NTF3: variants seen among roughly 807,000 people sequenced by gnomAD.
NTF3 encodes neurotrophin-3.
In NTF3, 8 loss-of-function variants were observed where a neutral mutation model predicts 26.3. That is an observed-to-expected ratio of 0.30 (90% confidence interval 0.18 to 0.55). The LOEUF (loss-of-function observed/expected upper bound fraction) is 0.55. Ranked by LOEUF, NTF3 falls within the 20% of genes least tolerant of loss-of-function variation. The pLI, the probability that NTF3 is intolerant of heterozygous loss-of-function variation, is 0.93. For missense variants in NTF3, 276 were observed against 352.9 expected, an observed-to-expected ratio of 0.78 and a Z score of 1.75; for synonymous variants, 154 against 145.5, an observed-to-expected ratio of 1.06 and a Z score of -0.42.
At chr12:5,492,789 G>A (rs764336751) in intron 1 of NTF3, among the ~76,000 whole-genome samples, 1 of 152,238 alleles carries the variant, frequency 6.6e-6, no homozygotes, top group South Asian at 2.1e-4. Context: ...AGCTGGGAAA[G>A]AGGCTGTCTG....
intron 1 of NTF3, among the ~76,000 whole-genome samples, chr12:5,457,609 A>C (rs1036998153): frequency 2.0e-5 from 3 of 151,954 alleles, no homozygotes; most frequent in African/African-American, 7.3e-5. Flanking sequence ...GGTCTCTTAT[A>C]TCTTATCTCT....
At position 5,495,075 on chromosome 12, in the gene NTF3, T is replaced by G; in HGVS notation, c.*87T>G. ...TAAATGTTTATATTGTTTTTATATA[T>G]TATAAGTTGACCTTTATTTATTAAA... is the stretch of plus-strand genomic sequence containing the variant. On this transcript the variant is annotated 3_prime_UTR_variant, in exon 2 of 2. Transcript: ENST00000423158. The G allele has an allele frequency of 7.4e-7, 1 of 1,358,336 alleles. No homozygotes were observed. The highest frequency in any genetic ancestry group is 1.0e-6 in the Non-Finnish European group (1 of 989,874). The allele number at this position is 1,358,336 out of a possible 1,614,324, so 84.1% of individuals were successfully genotyped here.
intron 1 of NTF3, among the ~76,000 whole-genome samples, chr12:5,441,034 C>G (rs888883804): frequency 6.6e-6 from 1 of 152,118 alleles, no homozygotes; most frequent in African/African-American, 2.4e-5. Flanking sequence ...TGGGAGTATG[C>G]GAGAGGTTTA....
At chr12:5,477,973 C>T (rs1940744459) in intron 1 of NTF3, among the ~76,000 whole-genome samples, 1 of 152,108 alleles carries the variant, frequency 6.6e-6, no homozygotes, top group African/African-American at 2.4e-5. Context: ...ACCCTTACTC[C>T]CTTGGTGACT....
At position 5,494,744 on chromosome 12, in the gene NTF3, G is replaced by A. The variant is rs866656424; in HGVS notation, c.569G>A (p.Gly190Glu). The change falls in exon 2 of 2, where the codon GGG becomes GAG. Residue 190 changes from glycine to glutamate, a missense_variant. Gly to Glu is a moderately conservative substitution (Grantham distance 98). Coordinates refer to ENST00000423158, the MANE Select transcript of NTF3 (RefSeq NM_001102654.2). This position sits in a 1 kb window ranked among gnomAD's most constrained non-coding sequence, Gnocchi z 8.3. ...CGGGGACACCAGGTCACGGTGCTGG[G>A]GGAGATCAAAACGGGCAACTCTCCC... ...DIRGHQVTVL[G>E]EIKTGNSPVK... The A allele has an allele frequency of 6.2e-7, 1 of 1,614,172 alleles. No individual in the cohort carries two copies. Among genetic ancestry groups the A allele is most frequent in the African/African-American group, 1.3e-5 (1 of 75,034 alleles).
chr12:5,439,937 ACTGAGGTCCCCAGG>A (rs1565383601), intron 1 of NTF3, among the ~76,000 whole-genome samples: 1 of 152,168 alleles, frequency 6.6e-6, no homozygotes, highest in African/African-American at 2.4e-5. Flanking sequence ...ACTGCTAAAG[ACTGAGGTCCCCAGG>A]CTGTGTTTGA....
chr12:5,452,893 C>T (rs779983397), intron 1 of NTF3, among the ~76,000 whole-genome samples: 5 of 152,180 alleles, frequency 3.3e-5, no homozygotes, highest in East Asian at 1.9e-4. Flanking sequence ...CTCCCCACCC[C>T]GACCTTACAG....
At chr12:5,489,280 C>G (rs2121251705) in intron 1 of NTF3, among the ~76,000 whole-genome samples, 1 of 152,356 alleles carries the variant, frequency 6.6e-6, no homozygotes, top group African/African-American at 2.4e-5. Context: ...GCTGAGGCTT[C>G]TTGGGGAAGG....
chr12:5,437,496 C>T (rs1453399126), intron 1 of NTF3, among the ~76,000 whole-genome samples: 5 of 152,198 alleles, frequency 3.3e-5, no homozygotes, highest in African/African-American at 4.8e-5. Context: ...GCTTCTGCTA[C>T]AAGCTTCTCC....
intron 1 of NTF3, among the ~76,000 whole-genome samples, chr12:5,485,968 G>A (rs1178109236): frequency 6.6e-6 from 1 of 152,190 alleles, no homozygotes; most frequent in Non-Finnish European, 1.5e-5. Flanking sequence ...ACCTGGAGGA[G>A]CAAAAGACAG....
At chr12:5,452,220 C>T (rs187027010) in intron 1 of NTF3, among the ~76,000 whole-genome samples, 7 of 151,888 alleles carry the variant, frequency 4.6e-5, no homozygotes, top group Admixed American at 2.0e-4. Context: ...CTCAGCCTCC[C>T]GAGTAGCTGG....
intron 1 of NTF3, 50 bp downstream of exon 1, chr12:5,432,392 T>C (rs759098595): frequency 6.3e-7 from 1 of 1,594,956 alleles, no homozygotes; most frequent in Non-Finnish European, 8.6e-7. Flanking sequence ...GGGATGGGGG[T>C]CCACGTGGGG....
At chr12:5,455,573 C>T (rs1940434571) in intron 1 of NTF3, among the ~76,000 whole-genome samples, 1 of 143,584 alleles carries the variant, frequency 7.0e-6, no homozygotes, top group African/African-American at 2.6e-5. Flanking sequence ...CACACACACA[C>T]ACACACACAC....
chr12:5,471,623 G>C (rs1046175238), intron 1 of NTF3, among the ~76,000 whole-genome samples: 1 of 152,126 alleles, frequency 6.6e-6, no homozygotes, highest in African/African-American at 2.4e-5. Flanking sequence ...ATAAGAAAAG[G>C]GTTCTGGATG....
intron 1 of NTF3, among the ~76,000 whole-genome samples, chr12:5,436,955 G>A (rs59833422): frequency 3.9e-5 from 6 of 152,172 alleles, no homozygotes; most frequent in Admixed American, 6.5e-5. Flanking sequence ...GAAATGTGAC[G>A]TGGAGAACAG....
At chr12:5,444,866 A>T (rs1940284597) in intron 1 of NTF3, among the ~76,000 whole-genome samples, 1 of 152,236 alleles carries the variant, frequency 6.6e-6, no homozygotes, top group Admixed American at 6.5e-5. Context: ...GAGGGAACGC[A>T]GCAAGCCTGA....
intron 1 of NTF3, among the ~76,000 whole-genome samples, chr12:5,474,327 G>C (rs1423325486): frequency 6.6e-6 from 1 of 152,248 alleles, no homozygotes; most frequent in African/African-American, 2.4e-5. Flanking sequence ...TAAGTGCTGA[G>C]AAGTCTTTCT....
intron 1 of NTF3, among the ~76,000 whole-genome samples, chr12:5,484,800 C>T (rs996258940): frequency 9.2e-5 from 14 of 152,150 alleles, no homozygotes; most frequent in African/African-American, 3.4e-4. Flanking sequence ...TGTTTGAAAT[C>T]CCAGTAGCAC....
rs370818072 is a variant in NTF3, at chr12:5,435,274, G to C, written c.18+2932G>C. 2.0e-4 allele frequency among the ~76,000 whole-genome samples: 30 copies of C among 152,288 alleles called. 3 individuals are homozygous for C. Among genetic ancestry groups the C allele is most frequent in the East Asian group, 1.7e-3 (9 of 5,178 alleles). Reference sequence around the variant, plus strand: ...TATTGATAATCAATTAAAGCTAATGGAGTGCCTACTGGATGCTCAGCCCAT... The same window carrying C: ...TATTGATAATCAATTAAAGCTAATGCAGTGCCTACTGGATGCTCAGCCCAT... On this transcript the variant is annotated intron_variant, in intron 1 of 1. Transcript: ENST00000423158.
Sources: allele counts gnomAD v4.1 joint callset (sites outside exome capture counted in the v4.1 genomes callset), GRCh38; gene constraint gnomAD v4.1.1; non-coding constraint Gnocchi (gnomAD v3.1); transcripts MANE v1.5; gene names NCBI Gene and HGNC (gene_info 2026-07-23, HGNC 2026-07-21).